Variants in CCDC154 observed in about 807,000 individuals in gnomAD.
CCDC154 encodes the protein coiled-coil domain containing 154.
A neutral mutation model predicts 87.5 loss-of-function variants in CCDC154; 91 were observed. That is an observed-to-expected ratio of 1.04 (90% CI 0.88 to 1.24). The LOEUF is 1.24. Among genes scored for constraint, CCDC154 ranks in the 50% most tolerant of loss-of-function variants. The pLI, the probability that CCDC154 is intolerant of heterozygous loss-of-function variation, is 0.00. For missense variants in CCDC154, 903 were observed against 879.2 expected (o/e 1.03, Z -0.34); for synonymous variants, 418 against 400.4 (o/e 1.04, Z -0.52).
intron 14 of CCDC154, 56 bp from the exon 15 acceptor site, chr16:1,435,231 T>C: frequency 6.9e-7 from 1 of 1,452,554 alleles, no homozygotes; most frequent in Non-Finnish European, 9.5e-7. Context: ...CATCCTGCTG[T>C]CCCCACAGGC....
In CCDC154 at chr16:1,436,746, C is replaced by T; in HGVS notation, c.1356G>A (p.Glu452=). 1 of 1,550,500 alleles carries T rather than the reference C, an allele frequency of 6.4e-7. No homozygotes were observed. The highest frequency in any genetic ancestry group is 8.7e-7 in the Non-Finnish European group (1 of 1,146,964). Residue 452 remains glutamate (E), a synonymous_variant, in exon 12 of 17, where the codon GAG becomes GAA. Transcript: ENST00000389176. ...SLEDLARWRK[E]VTEHLRGVRE... The stretch of plus-strand genomic sequence containing the variant: ...GCACCCCTCGCAGGTGTTCGGTCAC[C>T]TCCTTCCGCCACCTGGCCAGGTCCT...
At chr16:1,436,198 G>T in intron 13 of CCDC154, 112 bp from the exon 14 acceptor site, 2 of 960,304 alleles carry the variant, frequency 2.1e-6, no homozygotes, top group Non-Finnish European at 3.1e-6. Flanking sequence ...GCTCGAGGGG[G>T]CTCAGCCCTG....
rs1279412364 is a variant in CCDC154 at position 1,437,885 on chromosome 16, C to A, written c.1222G>T (p.Gly408Cys). 12 of 1,545,830 alleles carry A rather than the reference C, an allele frequency of 7.8e-6. No homozygotes were observed. Among genetic ancestry groups the A allele is most frequent in the Non-Finnish European group, 1.0e-5 (12 of 1,146,540 alleles). The change falls in exon 11 of 17, where the codon GGC becomes TGC. Residue 408 changes from glycine (G) to cysteine (C), a missense_variant. Gly to Cys is a radical substitution (Grantham distance 159). Coordinates refer to ENST00000389176, the MANE Select transcript of CCDC154 (RefSeq NM_001143980.3). The part of the protein sequence containing the change: ...QLAGQLKELS[G>C]HLPALSSRLD... Reference sequence around the variant, plus strand: ...CGGCTGCTCAGAGCCGGGAGATGGCCACTCAGCTCCTTTAACTGCCCGGCC... The same window carrying A: ...CGGCTGCTCAGAGCCGGGAGATGGCAACTCAGCTCCTTTAACTGCCCGGCC...
At chr16:1,436,622 G>A in intron 12 of CCDC154, 70 bp downstream of exon 12, 9 of 1,546,350 alleles carry the variant, frequency 5.8e-6, no homozygotes, top group South Asian at 3.6e-5. Flanking sequence ...AGAGGACAAG[G>A]TGCAGGGAGA....
chr16:1,444,284 C>T (rs2038589933), intron 1 of CCDC154, 32 bp downstream of exon 1: 1 of 1,301,306 alleles, frequency 7.7e-7, no homozygotes, highest in Admixed American at 2.3e-5. Flanking sequence ...TGGCAAGCCC[C>T]TCCCTGGGCC....
chr16:1,438,336 C>T (rs1263651004), intron 9 of CCDC154, 160 bp from the exon 10 acceptor site: 3 of 932,266 alleles, frequency 3.2e-6, no homozygotes, highest in Admixed American at 3.0e-5. Flanking sequence ...GGTTCACTCC[C>T]CATGGCCACC....
At chr16:1,442,305 C>T in intron 6 of CCDC154, 101 bp downstream of exon 6, 1 of 1,291,946 alleles carries the variant, frequency 7.7e-7, no homozygotes, top group Non-Finnish European at 1.0e-6. Context: ...GACACAGATA[C>T]ATGGTGAACG....
At chr16:1,443,195 C>T in intron 4 of CCDC154, 66 bp downstream of exon 4, 1 of 1,532,082 alleles carries the variant, frequency 6.5e-7, no homozygotes. Flanking sequence ...CCCACCACAC[C>T]TGCCGCTGCT....
intron 6 of CCDC154, among the ~76,000 whole-genome samples, chr16:1,440,108 C>T (rs1217235062): frequency 7.3e-6 from 1 of 136,926 alleles, no homozygotes; most frequent in Non-Finnish European, 1.5e-5. Context: ...GATCATGCCA[C>T]TGTAACTCCA....
intron 6 of CCDC154, chr16:1,439,344 G>C (rs1158758262): frequency 3.4e-6 from 2 of 585,358 alleles, no homozygotes; most frequent in East Asian, 5.6e-5. Context: ...TGTGAAGCAT[G>C]AGAAGGCCAC....
chr16:1,435,870 C>A (rs1007584399), intron 14 of CCDC154, 99 bp downstream of exon 14: 36 of 1,014,494 alleles, frequency 3.5e-5, no homozygotes, highest in Non-Finnish European at 5.1e-5. Context: ...CTGGAAAATG[C>A]CCCGTAGGCT....
chr16:1,443,618 AGCAGGCTCCGCG>A lies in CCDC154; in HGVS notation c.290_301del (p.Thr97_Leu101delinsMet), dbSNP rs1244603417. ...GGCCCGCACCTGGAGCAGCTCCCGC[AGCAGGCTCCGCG>A]TGGCGCGCTCACAGCGCTGCTTGTG... On this transcript the variant is annotated inframe_deletion, in exon 3 of 17. Transcript: ENST00000389176. 4.9e-6 allele frequency: 7 copies of A among 1,415,422 alleles called. No individual in the cohort carries two copies. The highest frequency in any genetic ancestry group is 5.6e-6 in the Non-Finnish European group (6 of 1,075,398). 87.7% of individuals were successfully genotyped at this position (1,415,422 alleles called of 1,614,324 possible).
chr16:1,439,572 C>T (rs768584016), intron 6 of CCDC154, among the ~76,000 whole-genome samples: 8 of 152,208 alleles, frequency 5.3e-5, no homozygotes, highest in Admixed American at 1.3e-4. Flanking sequence ...GAGGCGCAGC[C>T]GGCCCCATCC....
At chr16:1,442,007 G>T (rs1184189025) in intron 6 of CCDC154, among the ~76,000 whole-genome samples, 2 of 152,156 alleles carry the variant, frequency 1.3e-5, no homozygotes, top group African/African-American at 4.8e-5. Context: ...ACCTCCTCCT[G>T]CTGGATTCAA....
rs568070030 is a variant in CCDC154 at position 1,444,310 on chromosome 16, G to A, written c.7+6C>T. 5.0e-5 allele frequency: 65 copies of A among 1,302,368 alleles called. No individual in the cohort carries two copies. The African/African-American group carries it at 8.3e-4, about 17-fold the overall frequency. The allele number at this position is 1,302,368 out of a possible 1,614,324, so 80.7% of individuals were successfully genotyped here. On this transcript the variant is annotated splice_donor_region_variant and intron_variant, in intron 1 of 16. Coordinates refer to ENST00000389176, the MANE Select transcript of CCDC154 (RefSeq NM_001143980.3). ...TCCCTGGGCCCCGCTCCTCCGCTCT[G>A]GTCACCTGACATGGCTGCTGGGCTG...
Position 1,436,770 on chromosome 16 carries a change from C to T in CCDC154, c.1332G>A (p.Glu444=). Residue 444 remains glutamate, a synonymous_variant, in exon 12 of 17, where the codon GAG becomes GAA. Transcript: ENST00000389176. ...CCTCCTTCCGCCACCTGGCCAGGTC[C>T]TCCAGGGACTTCCTCTCTGCACCTT... is the stretch of plus-strand genomic sequence containing the variant. The part of the protein sequence containing the change: ...EWEGAERKSL[E]DLARWRKEVT... 6.4e-7 allele frequency: 1 copy of T among 1,550,580 alleles called. No homozygotes were observed. Among genetic ancestry groups the T allele is most frequent in the Non-Finnish European group, 8.7e-7 (1 of 1,146,968 alleles).
rs752544978 is a variant in CCDC154, at chr16:1,436,501, C to T, written c.1431G>A (p.Lys477=). 5 of 1,549,050 alleles carry T rather than the reference C, an allele frequency of 3.2e-6. No homozygotes were observed. The East Asian group carries it at 9.8e-5, about 30-fold the overall frequency. Residue 477 remains lysine, a synonymous_variant, in exon 13 of 17, where the codon AAG becomes AAA. Coordinates refer to ENST00000389176, the MANE Select transcript of CCDC154 (RefSeq NM_001143980.3). ...LPQQIESVSD[K]CLLHKSDSDL... ...CTGAGTCGCTCTTATGAAGCAGGCA[C>T]TTGTCGGAGACACTCTCTATCTGAA...
rs1403389910 is a variant in CCDC154 at position 1,434,662 on chromosome 16, G to A, written c.1877+6C>T. On this transcript the variant is annotated splice_donor_region_variant and intron_variant, in intron 16 of 16. Transcript: ENST00000389176. ...AGGAGGCCGCGCCGGGATCCCTGCT[G>A]CCCACCTCACAGCCTGGTACACGCC... The A allele has an allele frequency of 6.5e-7, 1 of 1,544,872 alleles. No individual in the cohort carries two copies. Among genetic ancestry groups the A allele is most frequent in the South Asian group, 1.2e-5 (1 of 84,002 alleles).
At chr16:1,442,314 C>G in intron 6 of CCDC154, 92 bp downstream of exon 6, 1 of 1,353,284 alleles carries the variant, frequency 7.4e-7, no homozygotes, top group Non-Finnish European at 9.8e-7. Context: ...ACATGGTGAA[C>G]GGCCGCTGTA....
Sources: gnomAD v4.1 joint callset for allele counts (sites outside exome capture counted in the v4.1 genomes callset) on GRCh38, gnomAD v4.1.1 for gene constraint, MANE v1.5 for transcripts, NCBI Gene and HGNC (gene_info 2026-07-23, HGNC 2026-07-21) for gene names.